ZYG11B: variants seen among roughly 807,000 people sequenced by gnomAD.
ZYG11B encodes protein zyg-11 homolog B.
A neutral mutation model predicts 82.4 loss-of-function variants in ZYG11B; 36 were observed. The ratio of observed to expected loss-of-function variants is 0.44; its 90% CI spans 0.33 to 0.58. ZYG11B has a LOEUF of 0.58. Among genes scored for constraint, ZYG11B ranks in the 20% least tolerant of loss-of-function variants. ZYG11B has a pLI of 0.02. For missense variants in ZYG11B, 552 were observed against 895.6 expected, an observed-to-expected ratio of 0.62 and a Z score of 4.90; for synonymous variants, 303 against 312.8, an observed-to-expected ratio of 0.97 and a Z score of 0.33.
At chr1:52,809,605 C>G (rs2149963626) in intron 10 of ZYG11B, among the ~76,000 whole-genome samples, 1 of 152,328 alleles carries the variant, frequency 6.6e-6, no homozygotes, top group African/African-American at 2.4e-5. Flanking sequence ...CTGTTTACCA[C>G]AACAGCTCTA....
At chr1:52,820,421 C>G (rs1645273138) in intron 13 of ZYG11B, among the ~76,000 whole-genome samples, 1 of 151,076 alleles carries the variant, frequency 6.6e-6, no homozygotes, top group Non-Finnish European at 1.5e-5. Context: ...CTGAGGCAGG[C>G]AGATCACTTA....
rs1380828394 is a variant in ZYG11B, at chr1:52,826,850, A to G, written c.*5221A>G. On this transcript the variant is annotated 3_prime_UTR_variant, in exon 14 of 14. Transcript: ENST00000294353. ...TAATTTTGGACTTATTTTGGGAAAAACTGTTCAAATTGGGTCCTTTTAAGC... is the reference window on the plus strand; with the variant it reads ...TAATTTTGGACTTATTTTGGGAAAAGCTGTTCAAATTGGGTCCTTTTAAGC... 6.6e-6 allele frequency: 1 copy of G among 152,180 alleles called. No individual in the cohort carries two copies. The highest frequency in any genetic ancestry group is 1.5e-5 in the Non-Finnish European group (1 of 68,016). The allele number at this position is 152,180 out of a possible 1,614,324, so 9.4% of individuals were successfully genotyped here. A position where few individuals can be genotyped will look rare whatever the true frequency, so the allele number is the denominator to read the frequency against.
At chr1:52,778,428 AT>A (rs949576898) in intron 3 of ZYG11B, among the ~76,000 whole-genome samples, 41 of 152,120 alleles carry the variant, frequency 2.7e-4, no homozygotes, top group African/African-American at 9.6e-4. Context: ...GCCAGCCTGG[AT>A]TTTGCTGATT....
intron 4 of ZYG11B, among the ~76,000 whole-genome samples, chr1:52,780,491 G>A (rs1644846371): frequency 6.6e-6 from 1 of 151,150 alleles, no homozygotes; most frequent in Admixed American, 6.6e-5. Context: ...CCTACAAAAA[G>A]TATTAAAAAA....
chr1:52,769,636 C>A (rs973843755), intron 2 of ZYG11B, among the ~76,000 whole-genome samples: 1 of 152,126 alleles, frequency 6.6e-6, no homozygotes, highest in Non-Finnish European at 1.5e-5. Flanking sequence ...TTTGCACAGG[C>A]CTTTCTTGAT....
chr1:52,792,945 A>G (rs1644971969), intron 6 of ZYG11B, among the ~76,000 whole-genome samples: 1 of 152,044 alleles, frequency 6.6e-6, no homozygotes, highest in South Asian at 2.1e-4. Flanking sequence ...GGTTCAAGCA[A>G]TTCTCCTGCC....
intron 2 of ZYG11B, among the ~76,000 whole-genome samples, chr1:52,765,736 C>T (rs553091968): frequency 2.0e-5 from 3 of 152,070 alleles, no homozygotes; most frequent in South Asian, 2.1e-4. Flanking sequence ...CTCCTGGCCT[C>T]GGGTAATCCT....
intron 1 of ZYG11B, among the ~76,000 whole-genome samples, chr1:52,746,620 A>T (rs1339491580): frequency 7.0e-6 from 1 of 142,692 alleles, no homozygotes; most frequent in Non-Finnish European, 1.5e-5. Context: ...AAAAATTCAC[A>T]TTTATCAGGT....
At position 52,744,949 on chromosome 1, in the gene ZYG11B, T is replaced by A. The variant is rs140943214; in HGVS notation, c.31-11509T>A. Among the ~76,000 whole-genome samples the A allele has an allele frequency of 1.8e-4, 27 of 152,354 alleles. No individual in the cohort carries two copies. The East Asian group carries it at 4.4e-3, about 25-fold the overall frequency. ...CTACTTTGTAAGGTTATTGTGAGTATCAAATGAAATCAGGATGTGAATATG... is the reference window on the plus strand; with the variant it reads ...CTACTTTGTAAGGTTATTGTGAGTAACAAATGAAATCAGGATGTGAATATG... On this transcript the variant is annotated intron_variant, in intron 1 of 13. Coordinates refer to ENST00000294353, the MANE Select transcript of ZYG11B (RefSeq NM_024646.3).
intron 2 of ZYG11B, among the ~76,000 whole-genome samples, chr1:52,766,331 G>C (rs1388036159): frequency 1.3e-5 from 2 of 151,544 alleles, no homozygotes; most frequent in Non-Finnish European, 2.9e-5. Flanking sequence ...ATGTTGGTCA[G>C]GCTGGTCGCG....
At chr1:52,770,239 G>A (rs557973628) in intron 2 of ZYG11B, among the ~76,000 whole-genome samples, 66 of 151,828 alleles carry the variant, frequency 4.3e-4, no homozygotes, top group African/African-American at 1.6e-3. Context: ...CTATAGGCAT[G>A]ACCACTGTGC....
chr1:52,729,302 A>G (rs913153873), intron 1 of ZYG11B, among the ~76,000 whole-genome samples: 1 of 140,424 alleles, frequency 7.1e-6, no homozygotes, highest in African/African-American at 2.8e-5. Flanking sequence ...TAGGATTCCA[A>G]CATATGAATT....
chr1:52,733,163 T>C (rs1644348170), intron 1 of ZYG11B, among the ~76,000 whole-genome samples: 1 of 152,210 alleles, frequency 6.6e-6, no homozygotes, highest in Non-Finnish European at 1.5e-5. Context: ...TGAATTTCTG[T>C]ACGTAAAATT....
chr1:52,742,573 T>G (rs1228943715), intron 1 of ZYG11B, among the ~76,000 whole-genome samples: 2 of 152,152 alleles, frequency 1.3e-5, no homozygotes, highest in African/African-American at 4.8e-5. Context: ...CCAGGCGCGG[T>G]GGCTCACGCC....
chr1:52,777,839 A>G (rs1240088901), intron 3 of ZYG11B, among the ~76,000 whole-genome samples: 21 of 152,250 alleles, frequency 1.4e-4, no homozygotes, highest in Non-Finnish European at 3.1e-4. Context: ...ACTGCCAAAA[A>G]AGACTAAATC....
chr1:52,823,448 T>C lies in ZYG11B; in HGVS notation c.*1819T>C, dbSNP rs2149970727. 1 of 152,220 alleles carries C rather than the reference T, an allele frequency of 6.6e-6. No homozygotes were observed. The highest frequency in any genetic ancestry group is 2.4e-5 in the African/African-American group (1 of 41,550). 9.4% of individuals were successfully genotyped at this position (152,220 alleles called of 1,614,324 possible). On this transcript the variant is annotated 3_prime_UTR_variant, in exon 14 of 14. Transcript: ENST00000294353. ...ATGCTGACTTAATTGGCTTAAGGAATTTTTATAGGCGTAAGATAAATTTTC... is the reference window on the plus strand; with the variant it reads ...ATGCTGACTTAATTGGCTTAAGGAACTTTTATAGGCGTAAGATAAATTTTC...
At chr1:52,803,139 CATAT>C (rs1321965313) in intron 10 of ZYG11B, among the ~76,000 whole-genome samples, 633 of 44,098 alleles carry the variant, frequency 0.014, 75 homozygotes, top group African/African-American at 0.069. Context: ...TATATACACA[CATAT>C]ATATATATAT....
intron 6 of ZYG11B, among the ~76,000 whole-genome samples, chr1:52,790,276 T>G (rs1301622604): frequency 6.6e-6 from 1 of 152,216 alleles, no homozygotes; most frequent in Non-Finnish European, 1.5e-5. Context: ...TTCATAGTCC[T>G]TTGCTTAGGA....
At chr1:52,779,631 C>G (rs1644838675) in intron 3 of ZYG11B, among the ~76,000 whole-genome samples, 1 of 152,154 alleles carries the variant, frequency 6.6e-6, no homozygotes, top group South Asian at 2.1e-4. Context: ...GCTGCAGTTA[C>G]AGGCATGCAC....
Sources: allele counts gnomAD v4.1 joint callset (sites outside exome capture counted in the v4.1 genomes callset), GRCh38; gene constraint gnomAD v4.1.1; transcripts MANE v1.5; gene names NCBI Gene and HGNC (gene_info 2026-07-23, HGNC 2026-07-21).